TRPC5: variants seen among roughly 807,000 people sequenced by gnomAD.
TRPC5 encodes the protein short transient receptor potential channel 5.
In TRPC5, 9 loss-of-function variants were observed where a neutral mutation model predicts 56.5. The observed-to-expected ratio is 0.16, with a 90% CI of 0.10 to 0.28. TRPC5 has a LOEUF of 0.28. Ranked by LOEUF, TRPC5 falls within the 10% of genes least tolerant of loss-of-function variation. TRPC5 has a pLI of 1.00. For missense variants in TRPC5, 469 were observed against 748.9 expected (o/e 0.63, Z 4.36); for synonymous variants, 282 against 278.5 (o/e 1.01, Z -0.13).
intron 1 of TRPC5, among the ~76,000 whole-genome samples, chrX:112,051,805 C>T (rs914112091): frequency 8.1e-5 from 9 of 111,600 alleles, no homozygotes; most frequent in East Asian, 2.8e-4. Context: ...TTTTTGACAA[C>T]CACCACTCTA....
intron 1 of TRPC5, among the ~76,000 whole-genome samples, chrX:111,991,722 T>TA (rs1040448808): frequency 2.7e-5 from 3 of 112,253 alleles, no homozygotes; most frequent in South Asian, 3.7e-4. Context: ...TAGGTTTTTT[T>TA]AAAAAAATGA....
At chrX:111,877,000 A>G (rs1262654231) in intron 3 of TRPC5, among the ~76,000 whole-genome samples, 2 of 111,721 alleles carry the variant, frequency 1.8e-5, no homozygotes, top group Non-Finnish European at 3.8e-5. Flanking sequence ...GTAAAACTTC[A>G]ATATTGATTA....
intron 3 of TRPC5, among the ~76,000 whole-genome samples, chrX:111,889,623 C>A (rs1467384903): frequency 9.0e-6 from 1 of 111,702 alleles, no homozygotes; most frequent in Admixed American, 9.5e-5. Flanking sequence ...AAAATGCTAA[C>A]CCTTGGCTCC....
chrX:111,855,392 G>A (rs1569526631), intron 3 of TRPC5, among the ~76,000 whole-genome samples: 2 of 111,624 alleles, frequency 1.8e-5, no homozygotes, highest in Non-Finnish European at 3.8e-5. Context: ...TTCCTTTTCT[G>A]ACTGACTGGG....
Position 111,835,038 on chromosome X carries a change from T to C in TRPC5, c.1779A>G (p.Arg593=). Residue 593 remains arginine (R), a synonymous_variant, in exon 7 of 11, where the codon AGA becomes AGG. Transcript: ENST00000262839. ...CTCCTACAAACTCGGTGAATTCGTGTCTGGCTTTCACATTGGTGACATATA... is the reference window on the plus strand; with the variant it reads ...CTCCTACAAACTCGGTGAATTCGTGCCTGGCTTTCACATTGGTGACATATA... The part of the protein sequence containing the change: ...LNLYVTNVKA[R]HEFTEFVGAT... 8.3e-7 allele frequency: 1 copy of C among 1,211,697 alleles called. No homozygotes were observed. The highest frequency in any genetic ancestry group is 1.1e-6 in the Non-Finnish European group (1 of 895,225).
At chrX:111,809,205 C>A (rs1207931780) in intron 7 of TRPC5, among the ~76,000 whole-genome samples, 1 of 111,060 alleles carries the variant, frequency 9.0e-6, no homozygotes, top group African/African-American at 3.3e-5. Context: ...GCATCATGTG[C>A]AGCACAGCAC....
chrX:112,030,501 GT>G (rs1457980594), intron 1 of TRPC5, among the ~76,000 whole-genome samples: 1 of 112,023 alleles, frequency 8.9e-6, no homozygotes, highest in Non-Finnish European at 1.9e-5. Context: ...TCAAATGATT[GT>G]GATGAATCTG....
chrX:112,039,148 A>G (rs1271623708), intron 1 of TRPC5, among the ~76,000 whole-genome samples: 1 of 111,712 alleles, frequency 9.0e-6, no homozygotes, highest in East Asian at 2.8e-4. Flanking sequence ...GTCACGTTGT[A>G]CAGTAACATT....
chrX:111,798,484 G>A (rs1921183107), intron 7 of TRPC5, among the ~76,000 whole-genome samples: 1 of 111,302 alleles, frequency 9.0e-6, no homozygotes, highest in South Asian at 3.8e-4. Context: ...TAACACCGGG[G>A]GGCCATATGA....
intron 1 of TRPC5, among the ~76,000 whole-genome samples, chrX:112,077,446 G>T (rs769790955): frequency 2.7e-5 from 3 of 111,687 alleles, no homozygotes; most frequent in Non-Finnish European, 3.8e-5. Context: ...GCTCTAGCCC[G>T]GTGCTTCTCA....
In TRPC5 at chrX:111,860,391, G is replaced by T. The variant is rs181968564; in HGVS notation, c.901-6285C>A. Among the ~76,000 whole-genome samples the T allele has an allele frequency of 5.1e-4, 57 of 112,083 alleles. No homozygotes were observed. The East Asian group carries it at 0.011, about 22-fold the overall frequency. ...TGTTCTAAGTAAAAGGTAAAAATTG[G>T]TTTTTTTATTAGTTTATTCTATTTT... On this transcript the variant is annotated intron_variant, in intron 3 of 10. Transcript: ENST00000262839.
chrX:111,883,085 CAAA>C (rs59699981), intron 3 of TRPC5, among the ~76,000 whole-genome samples: 2 of 45,169 alleles, frequency 4.4e-5, no homozygotes, highest in African/African-American at 6.7e-5. Flanking sequence ...GACTCTGTCT[CAAA>C]AAAAAAAAAA....
At chrX:111,885,489 G>A in intron 3 of TRPC5, among the ~76,000 whole-genome samples, 1 of 108,375 alleles carries the variant, frequency 9.2e-6, no homozygotes, top group East Asian at 2.9e-4. Flanking sequence ...TCTGGGTCTT[G>A]GAAAACCCCT....
chrX:111,979,539 G>A (rs992729233), intron 1 of TRPC5, among the ~76,000 whole-genome samples: 8 of 111,302 alleles, frequency 7.2e-5, no homozygotes, highest in East Asian at 2.8e-4. Context: ...GAAAACATGA[G>A]TTACAGACTG....
At chrX:111,951,890 G>C (rs1161114604) in intron 2 of TRPC5, among the ~76,000 whole-genome samples, 153 bp downstream of exon 2, 3 of 111,586 alleles carry the variant, frequency 2.7e-5, no homozygotes, top group Non-Finnish European at 3.8e-5. Flanking sequence ...GGGCCACGTA[G>C]GGTAGCTCCA....
At chrX:111,899,350 C>A (rs1925227628) in intron 3 of TRPC5, among the ~76,000 whole-genome samples, 1 of 111,085 alleles carries the variant, frequency 9.0e-6, no homozygotes, top group Admixed American at 9.6e-5. Context: ...TAATGTACAA[C>A]TCAATAAATA....
intron 1 of TRPC5, among the ~76,000 whole-genome samples, chrX:111,983,397 A>C (rs1928131954): frequency 8.9e-6 from 1 of 111,786 alleles, no homozygotes; most frequent in Admixed American, 9.5e-5. Flanking sequence ...TATCTACAGA[A>C]CAGATCATAC....
At chrX:112,058,100 T>A (rs1930381524) in intron 1 of TRPC5, among the ~76,000 whole-genome samples, 1 of 111,799 alleles carries the variant, frequency 8.9e-6, no homozygotes, top group African/African-American at 3.2e-5. Context: ...AAACTCTGTT[T>A]TCTTCAGACT....
intron 2 of TRPC5, among the ~76,000 whole-genome samples, chrX:111,951,643 A>G (rs1478000577): frequency 8.9e-6 from 1 of 111,850 alleles, no homozygotes; most frequent in Non-Finnish European, 1.9e-5. Flanking sequence ...GTCTTCAGAG[A>G]GAGGCTAATG....
Sources: allele counts gnomAD v4.1 joint callset (sites outside exome capture counted in the v4.1 genomes callset), GRCh38; gene constraint gnomAD v4.1.1; transcripts MANE v1.5; gene names NCBI Gene and HGNC (gene_info 2026-07-23, HGNC 2026-07-21).